Variants in PKHD1L1 observed in about 807,000 individuals in gnomAD.
The protein encoded by PKHD1L1 is PKHD1 like 1, also known as fibrocystin-L.
In PKHD1L1, 434 loss-of-function variants were observed where a neutral mutation model predicts 462.9. The observed-to-expected ratio is 0.94, with a 90% confidence interval of 0.87 to 1.02. The LOEUF (loss-of-function observed/expected upper bound fraction) is 1.02. PKHD1L1 is among the 50% of genes least tolerant of loss of function. The pLI is 0.00. For missense variants in PKHD1L1, 5,202 were observed against 5,096.1 expected (o/e 1.02, Z -0.63); for synonymous variants, 1,781 against 1,750.0 (o/e 1.02, Z -0.44).
Position 109,427,139 on chromosome 8 carries a change from A to C in PKHD1L1, c.2983A>C (p.Lys995Gln). 1 of 1,613,762 alleles carries C rather than the reference A, an allele frequency of 6.2e-7. No individual in the cohort carries two copies. The change falls in exon 25 of 78, where the codon AAG becomes CAG. Residue 995 changes from lysine to glutamine, a missense_variant. This residue lies in a region of PKHD1L1 where 4,497 missense variants were observed against 4,336.8 expected (regional missense o/e 1.04). Transcript: ENST00000378402. ...WNIKWRSTCG[K>Q]QNLLQINDSN... ...CATCAAATGGAGAAGCACCTGCGGA[A>C]AGCAGAATCTTCTACAGGTTCCCTC... is the stretch of plus-strand genomic sequence containing the variant.
chr8:109,452,503 T>C (rs1014425161), intron 42 of PKHD1L1, among the ~76,000 whole-genome samples: 13 of 151,916 alleles, frequency 8.6e-5, no homozygotes, highest in African/African-American at 3.1e-4. Flanking sequence ...GTAATAGATT[T>C]TTTAAACTTG....
At chr8:109,512,154 A>C (rs1413898129) in intron 71 of PKHD1L1, among the ~76,000 whole-genome samples, 1 of 151,528 alleles carries the variant, frequency 6.6e-6, no homozygotes, top group Non-Finnish European at 1.5e-5. Flanking sequence ...TTGCCTGTTC[A>C]CTCTGATGGT....
rs755083972 is a variant in PKHD1L1, at chr8:109,464,462, G to A, written c.7630G>A (p.Val2544Ile). The change falls in exon 49 of 78, where the codon GTA becomes ATA. Residue 2544 changes from valine (V) to isoleucine (I), a missense_variant. By Grantham distance (29) the Val-to-Ile change is conservative. Transcript: ENST00000378402. ...CAATATCCTCCAGTATAACTTGGCA[G>A]TATTTGTACAGCAAAGTACCAGTCT... is the stretch of plus-strand genomic sequence containing the variant. ...HGNILQYNLA[V>I]FVQQSTSLLN... The A allele has an allele frequency of 3.1e-6, 5 of 1,613,602 alleles. No individual in the cohort carries two copies. In the South Asian group the frequency reaches 5.5e-5, roughly 18 times the overall value.
intron 8 of PKHD1L1, among the ~76,000 whole-genome samples, chr8:109,389,499 AGTGT>A (rs55680302): frequency 0.13 from 18,222 of 140,566 alleles, 1,255 homozygotes; most frequent in African/African-American, 0.19. Context: ...ATCTTTTAAG[AGTGT>A]GTGTGTGTGT....
chr8:109,434,878 A>G (rs1345720891), intron 28 of PKHD1L1, among the ~76,000 whole-genome samples: 7 of 143,870 alleles, frequency 4.9e-5, no homozygotes, highest in Non-Finnish European at 1.0e-4. Flanking sequence ...TGAGCTTATA[A>G]ACTAGTTTTT....
intron 2 of PKHD1L1, among the ~76,000 whole-genome samples, chr8:109,365,112 T>C (rs1331001015): frequency 6.6e-6 from 1 of 152,196 alleles, no homozygotes; most frequent in Non-Finnish European, 1.5e-5. Context: ...CATAAAGGCA[T>C]GAGTACCGTA....
rs1336652848 is a variant in PKHD1L1, at chr8:109,451,147, C to T, written c.6348C>T (p.Phe2116=). Residue 2116 remains phenylalanine (F), a splice_region_variant and synonymous_variant, in exon 41 of 78, where the codon TTC becomes TTT. Coordinates refer to ENST00000378402, the MANE Select transcript of PKHD1L1 (RefSeq NM_177531.6). ...GACTGACAGTCGTGGGATCAGGATTCAGGTACTGTCTCCACACAAACACGC... is the reference window on the plus strand; with the variant it reads ...GACTGACAGTCGTGGGATCAGGATTTAGGTACTGTCTCCACACAAACACGC... The part of the protein sequence containing the change: ...GTRLTVVGSG[F]SENMEDVHIT... 1.3e-6 allele frequency: 2 copies of T among 1,599,490 alleles called. No individual in the cohort carries two copies. The highest frequency in any genetic ancestry group is 3.4e-5 in the Admixed American group (2 of 58,660).
chr8:109,466,880 C>T (rs1817470444), intron 50 of PKHD1L1, 111 bp downstream of exon 50: 5 of 984,676 alleles, frequency 5.1e-6, no homozygotes, highest in South Asian at 5.0e-5. Context: ...AAAAGTATAA[C>T]ATTTATATTA....
rs1204515410 is a variant in PKHD1L1, at chr8:109,440,715, A to G, written c.3962A>G (p.Lys1321Arg). 1 of 1,607,532 alleles carries G rather than the reference A, an allele frequency of 6.2e-7. No individual in the cohort carries two copies. Among genetic ancestry groups the G allele is most frequent in the Admixed American group, 1.7e-5 (1 of 59,458 alleles). The change falls in exon 33 of 78, where the codon AAA becomes AGA. Residue 1321 changes from lysine (K) to arginine (R), a missense_variant. Lys to Arg is a conservative substitution (Grantham distance 26). Coordinates refer to ENST00000378402, the MANE Select transcript of PKHD1L1 (RefSeq NM_177531.6). ...RNWGFASTRD[K>R]LNSSIQYVLE... is the part of the protein sequence containing the mutation. ...CTATTCATTTTTTTTCTCAGAGACA[A>G]ATTAAATTCTTCAATACAGTATGTT...
rs552872021 is a variant in PKHD1L1 at position 109,391,209 on chromosome 8, C to G, written c.740+715C>G. On this transcript the variant is annotated intron_variant, in intron 9 of 77. Coordinates refer to ENST00000378402, the MANE Select transcript of PKHD1L1 (RefSeq NM_177531.6). ...GGATAAACCGAGTGTTATCATCTAC[C>G]CTGTGTTACCCACTGGGAAAATGAG... 9.7e-4 allele frequency among the ~76,000 whole-genome samples: 148 copies of G among 152,262 alleles called. 1 individual carries two copies. Among genetic ancestry groups the G allele is most frequent in the African/African-American group, 3.4e-3 (141 of 41,558 alleles).
intron 3 of PKHD1L1, 35 bp from the exon 4 acceptor site, chr8:109,382,428 T>C (rs939645699): frequency 6.6e-7 from 1 of 1,520,310 alleles, no homozygotes; most frequent in Non-Finnish European, 9.0e-7. Flanking sequence ...AAGAGAGGAA[T>C]TGCATGTCTC....
In PKHD1L1 at chr8:109,522,175, T is replaced by G. The variant is rs1563636914; in HGVS notation, c.12032-11T>G. On this transcript the variant is annotated splice_polypyrimidine_tract_variant and intron_variant, in intron 73 of 77. Transcript: ENST00000378402. The stretch of plus-strand genomic sequence containing the variant: ...TTTATAATCCAAATGTCATAATACT[T>G]TTCCCCATAGGTCAGATGCAGTTAT... The G allele has an allele frequency of 5.0e-6, 8 of 1,586,094 alleles. No individual in the cohort carries two copies. Among genetic ancestry groups the G allele is most frequent in the Non-Finnish European group, 5.2e-6 (6 of 1,158,606 alleles).
intron 23 of PKHD1L1, among the ~76,000 whole-genome samples, chr8:109,421,644 C>A (rs537231334): frequency 1.3e-5 from 2 of 152,068 alleles, no homozygotes; most frequent in Non-Finnish European, 2.9e-5. Flanking sequence ...ATTAGCCGGG[C>A]GTGGTGGCGG....
chr8:109,528,710 C>T (rs1239794009), intron 77 of PKHD1L1, among the ~76,000 whole-genome samples: 1 of 152,176 alleles, frequency 6.6e-6, no homozygotes, highest in East Asian at 1.9e-4. Flanking sequence ...ATAGTCCTTT[C>T]TGTAATATAC....
At chr8:109,469,788 A>G (rs565787200) in intron 50 of PKHD1L1, among the ~76,000 whole-genome samples, 1 of 152,304 alleles carries the variant, frequency 6.6e-6, no homozygotes, top group South Asian at 2.1e-4. Context: ...CCAGAATGGA[A>G]TGATGTTACT....
At chr8:109,431,368 C>T (rs1011777945) in intron 27 of PKHD1L1, among the ~76,000 whole-genome samples, 1 of 152,098 alleles carries the variant, frequency 6.6e-6, no homozygotes, top group African/African-American at 2.4e-5. Context: ...GTCATATTTA[C>T]TTCCAATCAT....
intron 2 of PKHD1L1, among the ~76,000 whole-genome samples, chr8:109,376,720 G>C (rs942153394): frequency 3.9e-5 from 6 of 152,160 alleles, no homozygotes; most frequent in Non-Finnish European, 5.9e-5. Flanking sequence ...ATCTGATTAA[G>C]TCAGGTACCA....
chr8:109,490,869 A>C, intron 60 of PKHD1L1, 103 bp from the exon 61 acceptor site: 1 of 1,030,576 alleles, frequency 9.7e-7, no homozygotes, highest in South Asian at 2.2e-5. Flanking sequence ...TTGAGTATTG[A>C]TTATTGATAA....
rs1380965312 is a variant in PKHD1L1 at position 109,439,103 on chromosome 8, G to T, written c.3956+11G>T. 1 of 1,607,368 alleles carries T rather than the reference G, an allele frequency of 6.2e-7. No homozygotes were observed. The highest frequency in any genetic ancestry group is 1.3e-5 in the African/African-American group (1 of 74,626). On this transcript the variant is annotated intron_variant, in intron 32 of 77. Transcript: ENST00000378402. ...TTTTGCATCAACAAGGTATGATAAT[G>T]AACATAAACTTGATGGAGTTGTAGA...
Sources: allele counts gnomAD v4.1 joint callset (sites outside exome capture counted in the v4.1 genomes callset), GRCh38; gene constraint gnomAD v4.1.1; regional missense constraint gnomAD v4.1.1; transcripts MANE v1.5; gene names NCBI Gene and HGNC (gene_info 2026-07-23, HGNC 2026-07-21).